PTPRM: variants seen among roughly 807,000 people sequenced by gnomAD.
PTPRM encodes the protein protein tyrosine phosphatase receptor type M, also known as receptor-type tyrosine-protein phosphatase mu.
A neutral mutation model predicts 186.7 loss-of-function variants in PTPRM; 47 were observed. The ratio of observed to expected loss-of-function variants is 0.25; its 90% CI spans 0.20 to 0.32. The LOEUF is 0.32. PTPRM is among the 10% of genes least tolerant of loss of function. The pLI is 1.00. For missense variants in PTPRM, 1,494 were observed against 1,865.0 expected (o/e 0.80, Z 3.66); for synonymous variants, 668 against 674.9 (o/e 0.99, Z 0.16).
intron 22 of PTPRM, among the ~76,000 whole-genome samples, chr18:8,321,740 G>A (rs559853538): frequency 2.6e-5 from 4 of 152,154 alleles, no homozygotes; most frequent in African/African-American, 4.8e-5. Flanking sequence ...TGCTGGTGGC[G>A]GTGCAGGGAG....
chr18:8,335,358 C>CT (rs1390038419), intron 22 of PTPRM, among the ~76,000 whole-genome samples: 2 of 152,106 alleles, frequency 1.3e-5, no homozygotes, highest in Non-Finnish European at 2.9e-5. Flanking sequence ...CTCTTCCTGA[C>CT]TTTGACTGCC....
intron 2 of PTPRM, among the ~76,000 whole-genome samples, chr18:7,854,990 A>G (rs934669570): frequency 2.0e-5 from 3 of 152,138 alleles, no homozygotes; most frequent in African/African-American, 7.2e-5. Context: ...GAGAATGCCA[A>G]GCAACCGCCC....
intron 7 of PTPRM, among the ~76,000 whole-genome samples, chr18:7,965,963 A>G (rs1031106914): frequency 1.2e-4 from 19 of 152,234 alleles, no homozygotes; most frequent in African/African-American, 4.6e-4. Context: ...TAAAAGCTAA[A>G]TAAGAAGTAA....
chr18:8,085,756 C>T lies in PTPRM; in HGVS notation c.1637C>T (p.Thr546Ile). The change falls in exon 10 of 33, where the codon ACC becomes ATC. Residue 546 changes from threonine to isoleucine, a missense_variant. Thr to Ile is a moderately conservative substitution (Grantham distance 89). Transcript: ENST00000580170. ...SGRVSKLGNETHFLFFGLYPG... is the reference protein window; with the variant it reads ...SGRVSKLGNEIHFLFFGLYPG... ...AGAGTTTCAAAGCTGGGAAATGAAA[C>T]CCATTTTCTGTTTTTTGGACTGTAT... is the stretch of plus-strand genomic sequence containing the variant. 1.9e-6 allele frequency: 3 copies of T among 1,612,554 alleles called. No individual in the cohort carries two copies. Among genetic ancestry groups the T allele is most frequent in the Non-Finnish European group, 2.5e-6 (3 of 1,178,746 alleles).
At chr18:7,946,424 C>T (rs755280916) in intron 5 of PTPRM, among the ~76,000 whole-genome samples, 10 of 152,096 alleles carry the variant, frequency 6.6e-5, no homozygotes, top group African/African-American at 9.7e-5. Context: ...ATGCAATCTG[C>T]CTTTATGGCT....
At chr18:8,387,609 G>A (rs1319333893) in intron 31 of PTPRM, among the ~76,000 whole-genome samples, 1 of 151,960 alleles carries the variant, frequency 6.6e-6, no homozygotes, top group Non-Finnish European at 1.5e-5. Context: ...CATGGTAGAA[G>A]GATTTACATC....
chr18:7,746,038 C>G (rs1427689029), intron 1 of PTPRM, among the ~76,000 whole-genome samples: 1 of 151,546 alleles, frequency 6.6e-6, no homozygotes, highest in African/African-American at 2.4e-5. Context: ...AAATGGAGTC[C>G]CAGAAAAAGA....
At chr18:8,401,717 G>A (rs1352035736) in intron 32 of PTPRM, among the ~76,000 whole-genome samples, 1 of 152,236 alleles carries the variant, frequency 6.6e-6, no homozygotes, top group African/African-American at 2.4e-5. Context: ...GGCCCCTGAC[G>A]GAGGCCCCCA....
At chr18:8,024,943 A>G (rs2085476838) in intron 7 of PTPRM, among the ~76,000 whole-genome samples, 1 of 152,016 alleles carries the variant, frequency 6.6e-6, no homozygotes, top group African/African-American at 2.4e-5. Flanking sequence ...TTTGGCCTCA[A>G]GTGATCCTCC....
chr18:7,632,911 C>T (rs9960156), intron 1 of PTPRM, among the ~76,000 whole-genome samples: 4,829 of 152,256 alleles, frequency 0.032, 262 homozygotes, highest in African/African-American at 0.11. Flanking sequence ...CAGTAACAGT[C>T]TTTCATTAAT....
Position 7,568,391 on chromosome 18 carries a change from G to T in PTPRM, c.73+500G>T, listed in dbSNP as rs1298829810. ...AACTGGCGGCCGCTCCGGCGGCGGC[G>T]ATCTCCCGGTGCCCTGCCCTCCCTG... On this transcript the variant is annotated intron_variant, in intron 1 of 32. Transcript: ENST00000580170. This position sits in a 1 kb window ranked among gnomAD's most constrained non-coding sequence, Gnocchi z 5.1. Among the ~76,000 whole-genome samples, 1 of 151,746 alleles carries T rather than the reference G, an allele frequency of 6.6e-6. No individual in the cohort carries two copies. Among genetic ancestry groups the T allele is most frequent in the Non-Finnish European group, 1.5e-5 (1 of 67,876 alleles).
intron 20 of PTPRM, among the ~76,000 whole-genome samples, chr18:8,302,132 A>G (rs756404381): frequency 1.3e-5 from 2 of 152,228 alleles, no homozygotes; most frequent in Non-Finnish European, 2.9e-5. Flanking sequence ...ATTACAAAAT[A>G]AAATTCAAGT....
intron 11 of PTPRM, among the ~76,000 whole-genome samples, chr18:8,093,407 G>A (rs1260531737): frequency 6.6e-6 from 1 of 152,142 alleles, no homozygotes; most frequent in African/African-American, 2.4e-5. Flanking sequence ...CATAAGACCA[G>A]CCCTGGTCCT....
chr18:8,271,872 G>A (rs985198573), intron 19 of PTPRM, among the ~76,000 whole-genome samples: 22 of 150,626 alleles, frequency 1.5e-4, no homozygotes, highest in Admixed American at 1.1e-3. Context: ...TTTTCCTTTA[G>A]CATTCCTGCC....
chr18:7,934,473 C>A (rs1169792331), intron 5 of PTPRM, among the ~76,000 whole-genome samples: 1 of 152,120 alleles, frequency 6.6e-6, no homozygotes, highest in African/African-American at 2.4e-5. Context: ...AAGAGGGAAA[C>A]CTTGAGATTT....
chr18:8,368,544 C>T (rs923415980), intron 23 of PTPRM, among the ~76,000 whole-genome samples: 1 of 152,194 alleles, frequency 6.6e-6, no homozygotes, highest in African/African-American at 2.4e-5. Flanking sequence ...ATCTGCAACT[C>T]CTAGCATATC....
chr18:8,091,751 G>A (rs2090745398), intron 11 of PTPRM, among the ~76,000 whole-genome samples: 1 of 151,840 alleles, frequency 6.6e-6, no homozygotes, highest in African/African-American at 2.4e-5. Flanking sequence ...AACTAAATAG[G>A]GCATATTAAA....
At chr18:8,393,126 A>G (rs1477605612) in intron 31 of PTPRM, among the ~76,000 whole-genome samples, 1 of 152,256 alleles carries the variant, frequency 6.6e-6, no homozygotes, top group Non-Finnish European at 1.5e-5. Context: ...GCAAAGAGAA[A>G]GATGATAACT....
At chr18:7,874,959 G>T (rs148778805) in intron 2 of PTPRM, among the ~76,000 whole-genome samples, 8 of 152,150 alleles carry the variant, frequency 5.3e-5, no homozygotes, top group African/African-American at 1.9e-4. Flanking sequence ...TTGGGAGTCC[G>T]CGGCGGGCGG....
Sources: allele counts gnomAD v4.1 joint callset (sites outside exome capture counted in the v4.1 genomes callset), GRCh38; gene constraint gnomAD v4.1.1; non-coding constraint Gnocchi (gnomAD v3.1); transcripts MANE v1.5; gene names NCBI Gene and HGNC (gene_info 2026-07-23, HGNC 2026-07-21).